AAK1: variants seen among roughly 807,000 people sequenced by gnomAD.
The protein encoded by AAK1 is AP2-associated protein kinase 1.
AAK1 carries 37 observed loss-of-function variants against 116.0 expected under a neutral mutation model. The ratio of observed to expected loss-of-function variants is 0.32; its 90% confidence interval spans 0.25 to 0.42. AAK1 has a LOEUF of 0.42. Among genes scored for constraint, AAK1 ranks in the 10% least tolerant of loss-of-function variants. AAK1 has a pLI of 1.00. For missense variants in AAK1, 919 were observed against 1,170.6 expected, an observed-to-expected ratio of 0.79 and a Z score of 3.14; for synonymous variants, 458 against 439.9, an observed-to-expected ratio of 1.04 and a Z score of -0.51.
At position 69,471,377 on chromosome 2, in the gene AAK1, T is replaced by A; in HGVS notation, c.*4492A>T. Reference sequence around the variant, plus strand: ...TTCTGATTTAAGAAATCTAAGCACATCCAACTTCAGAAACATTACTAATGT... The same window carrying A: ...TTCTGATTTAAGAAATCTAAGCACAACCAACTTCAGAAACATTACTAATGT... On this transcript the variant is annotated 3_prime_UTR_variant, in exon 22 of 22. Coordinates refer to ENST00000409085, the MANE Select transcript of AAK1 (RefSeq NM_014911.5). 1.0e-6 allele frequency: 1 copy of A among 985,412 alleles called. No homozygotes were observed. The highest frequency in any genetic ancestry group is 1.2e-6 in the Non-Finnish European group (1 of 829,916). The allele number at this position is 985,412 out of a possible 1,614,324, so 61.0% of individuals were successfully genotyped here.
At chr2:69,547,862 T>C (rs1310972308) in intron 3 of AAK1, among the ~76,000 whole-genome samples, 2 of 152,010 alleles carry the variant, frequency 1.3e-5, no homozygotes, top group African/African-American at 2.4e-5. Context: ...AATGAATAAA[T>C]AAAATGTGGT....
intron 2 of AAK1, among the ~76,000 whole-genome samples, chr2:69,578,830 G>A (rs1643273608): frequency 6.9e-6 from 1 of 145,874 alleles, no homozygotes; most frequent in Non-Finnish European, 1.5e-5. Context: ...TTCAGACGGA[G>A]TCTCGCTCTG....
chr2:69,607,568 C>G (rs1263016951), intron 2 of AAK1, among the ~76,000 whole-genome samples: 3 of 152,094 alleles, frequency 2.0e-5, no homozygotes, highest in Non-Finnish European at 4.4e-5. Context: ...TGCTAGCTAC[C>G]AGGATACAAA....
intron 12 of AAK1, among the ~76,000 whole-genome samples, chr2:69,517,537 T>TTTTTTTTTTTTTTTTTTGAGACGG (rs1553411917): frequency 6.6e-6 from 1 of 151,428 alleles, no homozygotes; most frequent in Non-Finnish European, 1.5e-5. Flanking sequence ...TCCCTGATCT[T>TTTTTTTTTTTTTTTTTTGAGACGG]AATATCAGTG....
chr2:69,544,415 G>T (rs1289972615), intron 4 of AAK1, 21 bp downstream of exon 4: 1 of 1,559,456 alleles, frequency 6.4e-7, no homozygotes, highest in South Asian at 1.1e-5. Context: ...GACAGCTTAA[G>T]GGAATGGTTC....
At chr2:69,626,594 G>C (rs954129860) in intron 2 of AAK1, among the ~76,000 whole-genome samples, 1 of 151,132 alleles carries the variant, frequency 6.6e-6, no homozygotes, top group Non-Finnish European at 1.5e-5. Flanking sequence ...CAACCTCCCA[G>C]GCTCAAGCGA....
intron 13 of AAK1, among the ~76,000 whole-genome samples, chr2:69,512,431 C>T (rs1043620807): frequency 2.0e-5 from 3 of 152,178 alleles, no homozygotes; most frequent in Non-Finnish European, 4.4e-5. Context: ...ACTTTATAAC[C>T]GTGCTTTTTA....
rs552469957 is a variant in AAK1 at position 69,518,605 on chromosome 2, G to A, written c.1497+349C>T. Reference sequence around the variant, plus strand: ...AGCTAATTTTTGTATTTTTAGTAGAGACAGGGTTTCACCATGTTGGCCAGG... The same window carrying A: ...AGCTAATTTTTGTATTTTTAGTAGAAACAGGGTTTCACCATGTTGGCCAGG... On this transcript the variant is annotated intron_variant, in intron 12 of 21. Coordinates refer to ENST00000409085, the MANE Select transcript of AAK1 (RefSeq NM_014911.5). 2.6e-5 allele frequency among the ~76,000 whole-genome samples: 4 copies of A among 152,096 alleles called. No individual in the cohort carries two copies. In the East Asian group the frequency reaches 7.7e-4, roughly 29 times the overall value.
chr2:69,467,815 CAGTCACTTAGAG>C lies in AAK1; in HGVS notation c.*8042_*8053del, dbSNP rs1674539213. On this transcript the variant is annotated 3_prime_UTR_variant, in exon 22 of 22. Coordinates refer to ENST00000409085, the MANE Select transcript of AAK1 (RefSeq NM_014911.5). ...CATTAAAATCAGTTTATTGGGAAAC[CAGTCACTTAGAG>C]ACATTACATTGTAAAGAGAATGTAG... The C allele has an allele frequency of 7.1e-6, 7 of 985,288 alleles. No homozygotes were observed. The highest frequency in any genetic ancestry group is 8.4e-6 in the Non-Finnish European group (7 of 829,924). 61.0% of individuals were successfully genotyped at this position (985,288 alleles called of 1,614,324 possible). A position where few individuals can be genotyped will look rare whatever the true frequency, so the allele number is the denominator to read the frequency against.
chr2:69,483,404 T>C (rs1176084539), intron 17 of AAK1, among the ~76,000 whole-genome samples: 1 of 152,208 alleles, frequency 6.6e-6, no homozygotes, highest in African/African-American at 2.4e-5. Flanking sequence ...CAAGTATCAA[T>C]AGTTTGCTCT....
At chr2:69,642,083 A>G (rs1053681954) in intron 2 of AAK1, among the ~76,000 whole-genome samples, 5 of 152,246 alleles carry the variant, frequency 3.3e-5, no homozygotes, top group Non-Finnish European at 4.4e-5. Flanking sequence ...ATCAAGATGT[A>G]TATCTACGTG....
rs6748134 is a variant in AAK1, at chr2:69,517,495, C to T, written c.1497+1459G>A. On this transcript the variant is annotated intron_variant, in intron 12 of 21. Transcript: ENST00000409085. ...TTTTTTTAAAAATATTTTTGGGAAA[C>T]GCAGTCTTCAGGGAAATCTGAAAGT... Among the ~76,000 whole-genome samples the T allele has an allele frequency of 8.0e-3, 1,041 of 129,464 alleles. 12 individuals carry two copies. The highest frequency in any genetic ancestry group is 0.025 in the African/African-American group (988 of 39,722). The allele number at this position is 129,464 out of a possible 152,430, so 84.9% of individuals were successfully genotyped here.
At chr2:69,625,842 T>C (rs553148840) in intron 2 of AAK1, among the ~76,000 whole-genome samples, 11 of 152,316 alleles carry the variant, frequency 7.2e-5, no homozygotes, top group African/African-American at 2.4e-4. Flanking sequence ...GACCAGGCCA[T>C]TCTTCTACCT....
chr2:69,563,204 T>C (rs966100133), intron 2 of AAK1, among the ~76,000 whole-genome samples: 1 of 152,012 alleles, frequency 6.6e-6, no homozygotes, highest in Non-Finnish European at 1.5e-5. Context: ...TGAATCATGG[T>C]AGAGGGTGCC....
At chr2:69,525,230 G>C (rs1378476409) in intron 9 of AAK1, 118 bp from the exon 10 acceptor site, 7 of 1,000,984 alleles carry the variant, frequency 7.0e-6, no homozygotes, top group African/African-American at 3.2e-5. Context: ...GGATCTTCTG[G>C]AGCAGCTTCC....
rs1490263490 is a variant in AAK1 at position 69,505,640 on chromosome 2, T to A, written c.2198A>T (p.Glu733Val). ...TGATTGAAAGCCTGGGATCAAACTC[T>A]CAGCTGAGCCTCCAAGCTTCTCGGG... ...KHPEKLGGSA[E>V]SLIPGFQSTQ... Residue 733 changes from glutamate to valine, a missense_variant, in exon 16 of 22, where the codon GAG (glutamate) becomes GTG (valine). Transcript: ENST00000409085. 17 of 1,613,592 alleles carry A rather than the reference T, an allele frequency of 1.1e-5. No individual in the cohort carries two copies. Among genetic ancestry groups the A allele is most frequent in the Non-Finnish European group, 1.4e-5 (17 of 1,179,754 alleles).
Position 69,643,633 on chromosome 2 carries a change from C to T in AAK1, c.-293G>A. The T allele has an allele frequency of 8.1e-7, 1 of 1,228,224 alleles. No homozygotes were observed. Among genetic ancestry groups the T allele is most frequent in the Non-Finnish European group, 1.0e-6 (1 of 985,764 alleles). 76.1% of individuals were successfully genotyped at this position (1,228,224 alleles called of 1,614,324 possible). ...AGCCCCGCGACATTGTCACGGCCGC[C>T]GGGCCGGCCTGCGACGCAGAGAAGA... On this transcript the variant is annotated 5_prime_UTR_variant, in exon 1 of 22. Transcript: ENST00000409085.
intron 10 of AAK1, 71 bp from the exon 11 acceptor site, chr2:69,521,059 A>G (rs1343258920): frequency 2.0e-6 from 3 of 1,534,942 alleles, no homozygotes; most frequent in Non-Finnish European, 2.7e-6. Flanking sequence ...AGAGGACACA[A>G]TGCTTCCGCT....
intron 2 of AAK1, among the ~76,000 whole-genome samples, chr2:69,636,310 T>C (rs2105267977): frequency 6.6e-6 from 1 of 152,342 alleles, no homozygotes; most frequent in South Asian, 2.1e-4. Context: ...CACTGCAATG[T>C]AGACACAATC....
Sources: gnomAD v4.1 joint callset for allele counts (sites outside exome capture counted in the v4.1 genomes callset) on GRCh38, gnomAD v4.1.1 for gene constraint, MANE v1.5 for transcripts, NCBI Gene and HGNC (gene_info 2026-07-23, HGNC 2026-07-21) for gene names.